The following PDE3A variants were observed in gnomAD, a reference collection of about 807,000 sequenced individuals.
The protein encoded by PDE3A is phosphodiesterase 3A, also known as cGMP-inhibited 3',5'-cyclic phosphodiesterase 3A.
A neutral mutation model predicts 98.3 loss-of-function variants in PDE3A; 43 were observed. That is an observed-to-expected ratio of 0.44 (90% CI 0.34 to 0.56). PDE3A has a LOEUF of 0.56. Among genes scored for constraint, PDE3A ranks in the 20% least tolerant of loss-of-function variants. The pLI is 0.01. For missense variants in PDE3A, 1,427 were observed against 1,440.7 expected, an observed-to-expected ratio of 0.99 and a Z score of 0.15; for synonymous variants, 663 against 567.9, an observed-to-expected ratio of 1.17 and a Z score of -2.38.
At chr12:20,629,701 T>C (rs1944340194) in intron 5 of PDE3A, among the ~76,000 whole-genome samples, 1 of 152,142 alleles carries the variant, frequency 6.6e-6, no homozygotes, top group Non-Finnish European at 1.5e-5. Context: ...CTATTTTTTT[T>C]ATGATGATTC....
chr12:20,414,762 T>C (rs1944394192), intron 1 of PDE3A, among the ~76,000 whole-genome samples: 1 of 152,236 alleles, frequency 6.6e-6, no homozygotes, highest in Non-Finnish European at 1.5e-5. Context: ...CTGAGCCAAG[T>C]ACAAATACTT....
At chr12:20,535,254 A>G (rs1386296473) in intron 1 of PDE3A, among the ~76,000 whole-genome samples, 1 of 152,206 alleles carries the variant, frequency 6.6e-6, no homozygotes, top group Non-Finnish European at 1.5e-5. Context: ...TAATCTATAC[A>G]TACCTTAAAA....
At chr12:20,395,774 A>C (rs1048978362) in intron 1 of PDE3A, among the ~76,000 whole-genome samples, 3 of 151,370 alleles carry the variant, frequency 2.0e-5, no homozygotes, top group Non-Finnish European at 2.9e-5. Flanking sequence ...GGAGACCTAT[A>C]GAGATGCAAC....
chr12:20,619,048 T>C (rs1944074466), intron 4 of PDE3A, among the ~76,000 whole-genome samples: 1 of 151,990 alleles, frequency 6.6e-6, no homozygotes, highest in Non-Finnish European at 1.5e-5. Flanking sequence ...CCAAATTATT[T>C]CATATTCATG....
chr12:20,549,497 T>C (rs529660806), intron 1 of PDE3A, among the ~76,000 whole-genome samples: 6 of 152,242 alleles, frequency 3.9e-5, no homozygotes, highest in Admixed American at 3.3e-4. Flanking sequence ...AAACACTTTG[T>C]ATTCTTCAAA....
intron 1 of PDE3A, among the ~76,000 whole-genome samples, chr12:20,381,177 G>C (rs1352688886): frequency 6.6e-6 from 1 of 151,728 alleles, no homozygotes; most frequent in Non-Finnish European, 1.5e-5. Flanking sequence ...AAGTGTTTTT[G>C]GTGGAACTTC....
At chr12:20,564,255 TC>T (rs1056094080) in intron 2 of PDE3A, among the ~76,000 whole-genome samples, 7 of 152,092 alleles carry the variant, frequency 4.6e-5, no homozygotes, top group African/African-American at 7.2e-5. Context: ...TGTCAAATGT[TC>T]CCTGGGAATC....
rs141449585 is a variant in PDE3A at position 20,387,727 on chromosome 12, T to C, written c.960+17483T>C. On this transcript the variant is annotated intron_variant, in intron 1 of 15. Transcript: ENST00000359062. Reference sequence around the variant, plus strand: ...ATTGCTCTGTAAGTTAGGAGTTTGCTAATTCTACATTGTGGTTAATTTCTG... The same window carrying C: ...ATTGCTCTGTAAGTTAGGAGTTTGCCAATTCTACATTGTGGTTAATTTCTG... Among the ~76,000 whole-genome samples the C allele has an allele frequency of 7.8e-3, 1,182 of 152,200 alleles. 13 individuals carry two copies. The highest frequency in any genetic ancestry group is 0.027 in the African/African-American group (1,110 of 41,566).
In PDE3A at chr12:20,471,061, C is replaced by T. The variant is rs571775192; in HGVS notation, c.961-85599C>T. Among the ~76,000 whole-genome samples the T allele has an allele frequency of 5.9e-5, 9 of 152,148 alleles. No homozygotes were observed. The East Asian group carries it at 9.7e-4, about 16-fold the overall frequency. On this transcript the variant is annotated intron_variant, in intron 1 of 15. Transcript: ENST00000359062. The stretch of plus-strand genomic sequence containing the variant: ...CTTGGATTTCAAGTCTCCAGAACTG[C>T]GAAACAATAAATTTCTGTGTTTTAA...
chr12:20,570,541 T>C (rs1244038670), intron 2 of PDE3A, among the ~76,000 whole-genome samples: 1 of 147,406 alleles, frequency 6.8e-6, no homozygotes, highest in African/African-American at 2.5e-5. Flanking sequence ...ATATAAGGAA[T>C]ACATTTCTAG....
intron 15 of PDE3A, among the ~76,000 whole-genome samples, chr12:20,665,959 C>CTTTT (rs35859257): frequency 3.3e-3 from 314 of 94,920 alleles, no homozygotes; most frequent in Middle Eastern, 0.017. Flanking sequence ...TTTGTCATTT[C>CTTTT]TTTTTTTTTT....
chr12:20,487,915 T>C (rs1490369286), intron 1 of PDE3A, among the ~76,000 whole-genome samples: 1 of 152,202 alleles, frequency 6.6e-6, no homozygotes, highest in Non-Finnish European at 1.5e-5. Context: ...ACACAGTTTT[T>C]AATACAGCTC....
chr12:20,555,531 G>A (rs7972540), intron 1 of PDE3A, among the ~76,000 whole-genome samples: 99,656 of 152,042 alleles, frequency 0.66, 32,818 homozygotes, highest in East Asian at 0.76. Context: ...CATATTCTGC[G>A]TTGTATCGCT....
At position 20,613,833 on chromosome 12, in the gene PDE3A, G is replaced by A. The variant is rs915711140; in HGVS notation, c.1269+133G>A. On this transcript the variant is annotated intron_variant, in intron 3 of 15. Transcript: ENST00000359062. ...TCAGGCAAAATGTGTTGATCGTGGT[G>A]ACAGAAGTAATAAATATTTAAACAT... 10 of 633,796 alleles carry A rather than the reference G, an allele frequency of 1.6e-5. No individual in the cohort carries two copies. The African/African-American group carries it at 1.8e-4, about 12-fold the overall frequency. The allele number at this position is 633,796 out of a possible 1,614,324, so 39.3% of individuals were successfully genotyped here. A position where few individuals can be genotyped will look rare whatever the true frequency, so the allele number is the denominator to read the frequency against.
At chr12:20,543,482 C>T (rs1941975685) in intron 1 of PDE3A, among the ~76,000 whole-genome samples, 1 of 151,864 alleles carries the variant, frequency 6.6e-6, no homozygotes, top group Admixed American at 6.6e-5. Context: ...ATTAAGCTAT[C>T]CCAGGCCTCT....
chr12:20,623,608 C>G (rs1309083527), intron 5 of PDE3A, among the ~76,000 whole-genome samples: 1 of 151,426 alleles, frequency 6.6e-6, no homozygotes, highest in Non-Finnish European at 1.5e-5. Flanking sequence ...TACCACCCGC[C>G]AAATCTTTAC....
At chr12:20,555,612 T>G (rs1942350667) in intron 1 of PDE3A, among the ~76,000 whole-genome samples, 1 of 152,352 alleles carries the variant, frequency 6.6e-6, no homozygotes, top group Admixed American at 6.5e-5. Flanking sequence ...TCTTTCAAAA[T>G]TAAAAATACT....
chr12:20,469,746 A>G (rs1477165557), intron 1 of PDE3A, among the ~76,000 whole-genome samples: 1 of 152,194 alleles, frequency 6.6e-6, no homozygotes, highest in Non-Finnish European at 1.5e-5. Context: ...TATATTTTTG[A>G]TGACATTTGA....
At chr12:20,413,091 TA>T (rs1163553014) in intron 1 of PDE3A, among the ~76,000 whole-genome samples, 1 of 152,168 alleles carries the variant, frequency 6.6e-6, no homozygotes, top group Non-Finnish European at 1.5e-5. Flanking sequence ...TATAGTTTAG[TA>T]GGAATGTATT....
Sources: allele counts gnomAD v4.1 joint callset (sites outside exome capture counted in the v4.1 genomes callset), GRCh38; gene constraint gnomAD v4.1.1; transcripts MANE v1.5; gene names NCBI Gene and HGNC (gene_info 2026-07-23, HGNC 2026-07-21).